Variants in DLC1 observed in about 807,000 individuals in gnomAD.
DLC1 encodes the protein rho GTPase-activating protein 7.
Under a neutral mutation model 140.3 loss-of-function variants are expected in DLC1, and 54 were observed. The ratio of observed to expected loss-of-function variants is 0.38; its 90% CI spans 0.31 to 0.48. DLC1 has a LOEUF of 0.48. Ranked by LOEUF, DLC1 falls within the 20% of genes least tolerant of loss-of-function variation. The pLI is 0.96. For missense variants in DLC1, 2,536 were observed against 1,907.0 expected, an observed-to-expected ratio of 1.33 and a Z score of -6.14; for synonymous variants, 986 against 728.1, an observed-to-expected ratio of 1.35 and a Z score of -5.70.
chr8:13,531,634 A>G (rs1803101539), intron 1 of DLC1, among the ~76,000 whole-genome samples: 1 of 152,144 alleles, frequency 6.6e-6, no homozygotes, highest in Non-Finnish European at 1.5e-5. Flanking sequence ...ATGTTTATGA[A>G]TAATAGTAAT....
At chr8:13,479,794 A>G (rs1359432544) in intron 2 of DLC1, among the ~76,000 whole-genome samples, 1 of 88,704 alleles carries the variant, frequency 1.1e-5, no homozygotes, top group Non-Finnish European at 2.6e-5. Flanking sequence ...AAGGAAAAGA[A>G]AGAAAGAAAA....
intron 2 of DLC1, among the ~76,000 whole-genome samples, chr8:13,419,178 C>A (rs1444383501): frequency 6.6e-6 from 1 of 152,072 alleles, no homozygotes; most frequent in Non-Finnish European, 1.5e-5. Flanking sequence ...AATTTGACTT[C>A]CTGTTTTCCT....
At chr8:13,375,694 T>C (rs1314598450) in intron 4 of DLC1, among the ~76,000 whole-genome samples, 3 of 151,540 alleles carry the variant, frequency 2.0e-5, no homozygotes, top group East Asian at 3.9e-4. Flanking sequence ...TCTATCTAAA[T>C]TGAATATTTT....
At chr8:13,380,320 A>T (rs1358913652) in intron 4 of DLC1, among the ~76,000 whole-genome samples, 31 of 152,320 alleles carry the variant, frequency 2.0e-4, no homozygotes, top group Admixed American at 2.0e-3. Context: ...TTGTGTTCAA[A>T]TTTATTTGTA....
At chr8:13,537,785 C>G (rs1027823482) in intron 1 of DLC1, among the ~76,000 whole-genome samples, 5 of 151,352 alleles carry the variant, frequency 3.3e-5, no homozygotes, top group Non-Finnish European at 2.9e-5. Context: ...TCCTGAGTAG[C>G]TAGGACTACA....
At chr8:13,538,251 C>G (rs961261845) in intron 1 of DLC1, among the ~76,000 whole-genome samples, 14 of 151,910 alleles carry the variant, frequency 9.2e-5, no homozygotes, top group African/African-American at 3.4e-4. Flanking sequence ...AGGGGACCCT[C>G]TGATATTGAG....
At chr8:13,145,965 T>A (rs923990218) in intron 5 of DLC1, among the ~76,000 whole-genome samples, 2 of 152,066 alleles carry the variant, frequency 1.3e-5, no homozygotes, top group East Asian at 3.9e-4. Flanking sequence ...CCTCATAATG[T>A]ATATATCATA....
intron 5 of DLC1, among the ~76,000 whole-genome samples, chr8:13,163,835 A>C (rs1034843067): frequency 6.6e-6 from 1 of 152,008 alleles, no homozygotes; most frequent in African/African-American, 2.4e-5. Flanking sequence ...ATGCACCAAA[A>C]CAACAACAGA....
At chr8:13,336,730 T>A (rs957803346) in intron 4 of DLC1, among the ~76,000 whole-genome samples, 1 of 152,170 alleles carries the variant, frequency 6.6e-6, no homozygotes, top group African/African-American at 2.4e-5. Flanking sequence ...GTAGGGTTGT[T>A]GTAATGATTA....
chr8:13,327,083 T>C (rs1036776548), intron 4 of DLC1, among the ~76,000 whole-genome samples: 2 of 150,994 alleles, frequency 1.3e-5, no homozygotes, highest in Non-Finnish European at 2.9e-5. Flanking sequence ...GCCTCCTGAG[T>C]AGCTGGGACT....
Position 13,393,704 on chromosome 8 carries a change from A to T in DLC1, c.1174-11T>A, listed in dbSNP as rs1563310319. On this transcript the variant is annotated splice_polypyrimidine_tract_variant and intron_variant, in intron 3 of 17. Transcript: ENST00000276297. ...TCCTGATTCCAGATCCTATTAAAAA[A>T]CAAATGCACTGGTATGAAGGACATG... 4 of 1,610,986 alleles carry T rather than the reference A, an allele frequency of 2.5e-6. No individual in the cohort carries two copies. The highest frequency in any genetic ancestry group is 1.3e-5 in the African/African-American group (1 of 74,966).
intron 4 of DLC1, among the ~76,000 whole-genome samples, chr8:13,382,505 CAAAAAAAAAAAAA>C (rs71207149): frequency 8.4e-5 from 3 of 35,508 alleles, no homozygotes; most frequent in African/African-American, 3.9e-4. Context: ...GACTCCGTCT[CAAAAAAAAAAAAA>C]AAAAAAAAAA....
In DLC1 at chr8:13,091,443, G is replaced by C; in HGVS notation, c.3741-11C>G. On this transcript the variant is annotated splice_polypyrimidine_tract_variant and intron_variant, in intron 13 of 17. Transcript: ENST00000276297. ...TTTCTTTGCATTACCCTAGGTAGAA[G>C]AAATACAGGAGGGGAACAGTTCAAA... The C allele has an allele frequency of 6.2e-7, 1 of 1,605,206 alleles. No homozygotes were observed.
intron 5 of DLC1, among the ~76,000 whole-genome samples, chr8:13,185,283 G>GTTTTTTTT (rs113333274): frequency 7.6e-6 from 1 of 130,772 alleles, no homozygotes; most frequent in African/African-American, 2.9e-5. Flanking sequence ...TGTCTTTTCT[G>GTTTTTTTT]TTTTTTTTGT....
chr8:13,090,376 T>C lies in DLC1; in HGVS notation c.3950A>G (p.Asp1317Gly). The C allele has an allele frequency of 6.2e-7, 1 of 1,614,130 alleles. No homozygotes were observed. Among genetic ancestry groups the C allele is most frequent in the East Asian group, 2.2e-5 (1 of 44,878 alleles). Reference sequence around the variant, plus strand: ...GAGGAAGTGTTGGTAGTCAGCTGAGTCATCATTACCCAGGTGCCCGAGTGC... The same window carrying C: ...GAGGAAGTGTTGGTAGTCAGCTGAGCCATCATTACCCAGGTGCCCGAGTGC... ...LEALGHLGND[D>G]SADYQHFLQD... Residue 1317 changes from aspartate (D) to glycine (G), a missense_variant, in exon 15 of 18, where the codon GAC becomes GGC. Transcript: ENST00000276297.
intron 1 of DLC1, among the ~76,000 whole-genome samples, chr8:13,581,870 AG>A (rs541141940): frequency 1.3e-5 from 2 of 152,192 alleles, no homozygotes; most frequent in South Asian, 4.2e-4. Flanking sequence ...TATCTAAAAA[AG>A]ACTTACTGTA....
intron 2 of DLC1, among the ~76,000 whole-genome samples, chr8:13,487,944 C>T (rs1041938932): frequency 1.7e-4 from 26 of 152,206 alleles, no homozygotes; most frequent in Non-Finnish European, 3.4e-4. Flanking sequence ...TTATGAAGTA[C>T]ATTTCTTGCC....
intron 5 of DLC1, among the ~76,000 whole-genome samples, chr8:13,133,830 G>T (rs1010864664): frequency 5.3e-5 from 8 of 152,120 alleles, no homozygotes; most frequent in African/African-American, 1.7e-4. Flanking sequence ...GGAAGGGATG[G>T]TCAGTGTTTC....
rs77119421 is a variant in DLC1 at position 13,107,743 on chromosome 8, T to G, written c.1502+2999A>C. ...CACTATGCAGCTGACAGCTCAGAACTTGTACTACGTTTTAAAGAAAGTTGC... is the reference window on the plus strand; with the variant it reads ...CACTATGCAGCTGACAGCTCAGAACGTGTACTACGTTTTAAAGAAAGTTGC... On this transcript the variant is annotated intron_variant, in intron 7 of 17. Coordinates refer to ENST00000276297, the MANE Select transcript of DLC1 (RefSeq NM_182643.3). 6.7e-3 allele frequency among the ~76,000 whole-genome samples: 1,022 copies of G among 152,308 alleles called. 16 individuals are homozygous for G. The highest frequency in any genetic ancestry group is 0.046 in the East Asian group (238 of 5,178).
Sources: gnomAD v4.1 joint callset for allele counts (sites outside exome capture counted in the v4.1 genomes callset) on GRCh38, gnomAD v4.1.1 for gene constraint, MANE v1.5 for transcripts, NCBI Gene and HGNC (gene_info 2026-07-23, HGNC 2026-07-21) for gene names.